SASS6: variants seen among roughly 807,000 people sequenced by gnomAD.
SASS6 encodes the protein spindle assembly abnormal protein 6 homolog.
Under a neutral mutation model 94.9 loss-of-function variants are expected in SASS6, and 59 were observed. The observed-to-expected ratio is 0.62, with a 90% CI of 0.50 to 0.77. SASS6 has a LOEUF of 0.77. Among genes scored for constraint, SASS6 ranks in the 30% least tolerant of loss-of-function variants. The pLI is 0.00. For missense variants in SASS6, 698 were observed against 734.1 expected, an observed-to-expected ratio of 0.95 and a Z score of 0.57; for synonymous variants, 264 against 270.0, an observed-to-expected ratio of 0.98 and a Z score of 0.22.
intron 14 of SASS6, among the ~76,000 whole-genome samples, chr1:100,093,169 G>GT (rs1651863444): frequency 1.7e-5 from 2 of 119,226 alleles, no homozygotes; most frequent in African/African-American, 3.1e-5. Context: ...AATACCTATT[G>GT]TTTTCTTTTT....
chr1:100,107,818 C>T lies in SASS6; in HGVS notation c.1048G>A (p.Glu350Lys). The change falls in exon 9 of 17, where the codon GAA becomes AAA. Residue 350 changes from glutamate to lysine, a missense_variant. Glu to Lys is a moderately conservative substitution (Grantham distance 56). Transcript: ENST00000287482. ...RTKEAFDTIQ[E>K]QKVVLEENGE... Reference sequence around the variant, plus strand: ...AAAATTTAAAAGTAGACCTTTTGTTCCTGGATTGTATCAAATGCCTCTTTT... The same window carrying T: ...AAAATTTAAAAGTAGACCTTTTGTTTCTGGATTGTATCAAATGCCTCTTTT... The T allele has an allele frequency of 1.2e-6, 2 of 1,606,900 alleles. No homozygotes were observed. The highest frequency in any genetic ancestry group is 1.1e-5 in the South Asian group (1 of 90,402).
intron 7 of SASS6, among the ~76,000 whole-genome samples, chr1:100,112,628 A>G (rs1047994724): frequency 6.6e-6 from 1 of 152,256 alleles, no homozygotes; most frequent in African/African-American, 2.4e-5. Flanking sequence ...TATAGATAAT[A>G]CAGCCATTAT....
At chr1:100,130,366 G>T (rs988388692) in intron 1 of SASS6, among the ~76,000 whole-genome samples, 3 of 152,168 alleles carry the variant, frequency 2.0e-5, no homozygotes, top group Admixed American at 6.5e-5. Flanking sequence ...TTGTTGAGCT[G>T]AACTGGCCTC....
At chr1:100,126,501 G>A (rs74839329) in intron 1 of SASS6, among the ~76,000 whole-genome samples, 7,389 of 152,218 alleles carry the variant, frequency 0.049, 208 homozygotes, top group African/African-American at 0.067. Flanking sequence ...TATGTGGCCC[G>A]TCGCAGTGGC....
intron 14 of SASS6, among the ~76,000 whole-genome samples, chr1:100,094,630 G>A (rs1379294440): frequency 2.0e-5 from 3 of 152,032 alleles, no homozygotes; most frequent in South Asian, 4.1e-4. Context: ...CGAGGTGGGC[G>A]GATCACCCAC....
chr1:100,118,128 C>T (rs955468200), intron 7 of SASS6, among the ~76,000 whole-genome samples: 7 of 151,904 alleles, frequency 4.6e-5, no homozygotes, highest in African/African-American at 7.3e-5. Context: ...CCAGCCTGAC[C>T]GACATGGAGA....
intron 7 of SASS6, among the ~76,000 whole-genome samples, chr1:100,116,653 T>C (rs1653820526): frequency 6.6e-6 from 1 of 152,092 alleles, no homozygotes; most frequent in South Asian, 2.1e-4. Flanking sequence ...AATAGGAAAA[T>C]AAATTATGGC....
intron 7 of SASS6, among the ~76,000 whole-genome samples, chr1:100,113,243 A>G (rs1019918939): frequency 6.6e-6 from 1 of 152,190 alleles, no homozygotes; most frequent in Non-Finnish European, 1.5e-5. Flanking sequence ...CAATATATCC[A>G]GTAACAAACT....
intron 14 of SASS6, among the ~76,000 whole-genome samples, chr1:100,100,326 T>C (rs1473277713): frequency 1.3e-5 from 2 of 152,188 alleles, no homozygotes; most frequent in Non-Finnish European, 2.9e-5. Flanking sequence ...CATTACAATT[T>C]ACTATCTACT....
chr1:100,117,679 C>T (rs1653900687), intron 7 of SASS6, among the ~76,000 whole-genome samples: 1 of 148,986 alleles, frequency 6.7e-6, no homozygotes, highest in Non-Finnish European at 1.5e-5. Context: ...AAAAAAACAA[C>T]CACACAGAAA....
chr1:100,127,910 C>T (rs1654737578), intron 1 of SASS6, among the ~76,000 whole-genome samples: 1 of 152,088 alleles, frequency 6.6e-6, no homozygotes, highest in Non-Finnish European at 1.5e-5. Flanking sequence ...CTTTTTAGCT[C>T]TACATCATTA....
chr1:100,112,837 C>A (rs1030518374), intron 7 of SASS6, among the ~76,000 whole-genome samples: 2 of 152,144 alleles, frequency 1.3e-5, no homozygotes, highest in African/African-American at 4.8e-5. Context: ...GGACTCCACC[C>A]CCGACTAACT....
In SASS6 at chr1:100,083,929, A is replaced by G. The variant is rs946849426; in HGVS notation, c.*1399T>C. 1 of 142,980 alleles carries G rather than the reference A, an allele frequency of 7.0e-6. No homozygotes were observed. The highest frequency in any genetic ancestry group is 1.5e-5 in the Non-Finnish European group (1 of 67,826). 8.9% of individuals were successfully genotyped at this position (142,980 alleles called of 1,614,324 possible). ...CAAAGCCCCTTCCATAGTATTTACA[A>G]TAAAGCTCCTTCCAAAATCACCAAG... is the stretch of plus-strand genomic sequence containing the variant. On this transcript the variant is annotated 3_prime_UTR_variant, in exon 17 of 17. Transcript: ENST00000287482.
chr1:100,109,133 C>T (rs1475455324), intron 8 of SASS6, among the ~76,000 whole-genome samples: 2 of 152,016 alleles, frequency 1.3e-5, no homozygotes, highest in African/African-American at 2.4e-5. Context: ...GAGCATTATA[C>T]TGAAGCATTT....
intron 1 of SASS6, 47 bp downstream of exon 1, chr1:100,132,703 C>T (rs369094197): frequency 2.7e-6 from 4 of 1,502,242 alleles, no homozygotes; most frequent in Non-Finnish European, 2.8e-6. Flanking sequence ...TCCCCATTGG[C>T]CTGACCCCAA....
At chr1:100,110,519 A>G in intron 7 of SASS6, 36 bp from the exon 8 acceptor site, 1 of 1,144,542 alleles carries the variant, frequency 8.7e-7, no homozygotes. Flanking sequence ...CAAAATTCAA[A>G]GAAAAAAATC....
intron 6 of SASS6, among the ~76,000 whole-genome samples, chr1:100,119,853 T>C (rs1035495028): frequency 1.3e-5 from 2 of 152,194 alleles, no homozygotes; most frequent in Non-Finnish European, 2.9e-5. Context: ...TACAGAACAA[T>C]GAACCAATTA....
chr1:100,130,675 C>T lies in SASS6; in HGVS notation c.65+2075G>A, dbSNP rs746846431. 1.1e-4 allele frequency among the ~76,000 whole-genome samples: 14 copies of T among 123,534 alleles called. No individual in the cohort carries two copies. In the Admixed American group the frequency reaches 1.3e-3, roughly 11 times the overall value. The allele number at this position is 123,534 out of a possible 152,430, so 81.0% of individuals were successfully genotyped here. ...CAATACTCCAGTCTGGGCAACAGAG[C>T]GAGACTCTGTCTAGAAAAAAAAAAA... On this transcript the variant is annotated intron_variant, in intron 1 of 16. Transcript: ENST00000287482.
intron 13 of SASS6, among the ~76,000 whole-genome samples, chr1:100,104,413 C>CA (rs1348989467): frequency 6.6e-6 from 1 of 152,076 alleles, no homozygotes; most frequent in Admixed American, 6.5e-5. Context: ...GCCTAACTAT[C>CA]AGATAGTACC....
Sources: gnomAD v4.1 joint callset for allele counts (sites outside exome capture counted in the v4.1 genomes callset) on GRCh38, gnomAD v4.1.1 for gene constraint, MANE v1.5 for transcripts, NCBI Gene and HGNC (gene_info 2026-07-23, HGNC 2026-07-21) for gene names.